Variants in UBE3D observed in about 807,000 individuals in gnomAD.
The protein encoded by UBE3D is E3 ubiquitin-protein ligase E3D.
UBE3D carries 48 observed loss-of-function variants against 49.6 expected under a neutral mutation model. That is an observed-to-expected ratio of 0.97 (90% CI 0.77 to 1.23). The LOEUF is 1.23. Among genes scored for constraint, UBE3D ranks in the 50% most tolerant of loss-of-function variants. The pLI, the probability that UBE3D is intolerant of heterozygous loss-of-function variation, is 0.00. For missense variants in UBE3D, 452 were observed against 468.4 expected (o/e 0.96, Z 0.32); for synonymous variants, 189 against 174.2 (o/e 1.08, Z -0.67).
intron 9 of UBE3D, chr6:82,938,646 G>T (rs1440881159): frequency 6.6e-6 from 1 of 152,196 alleles, no homozygotes; most frequent in Non-Finnish European, 1.5e-5. Context: ...ACTAGATGTT[G>T]TTATAATTAA....
At chr6:82,927,097 T>G (rs981381378) in intron 9 of UBE3D, among the ~76,000 whole-genome samples, 1 of 152,104 alleles carries the variant, frequency 6.6e-6, no homozygotes, top group Admixed American at 6.5e-5. Flanking sequence ...CATCATTCAT[T>G]AAAAAGACTA....
At chr6:82,885,649 A>G in the UBE3D span, among the ~76,000 whole-genome samples, 50 of 152,300 alleles carry the variant, frequency 3.3e-4, no homozygotes, top group African/African-American at 1.2e-3. Flanking sequence ...AGAGCTCAAA[A>G]AGCCCTCAAG....
chr6:82,944,247 A>G (rs188755065), intron 9 of UBE3D, among the ~76,000 whole-genome samples: 1 of 152,148 alleles, frequency 6.6e-6, no homozygotes, highest in Non-Finnish European at 1.5e-5. Flanking sequence ...GAGGATTTTT[A>G]TTTTGAATCT....
At chr6:83,060,365 G>T (rs2127855876) in intron 1 of UBE3D, among the ~76,000 whole-genome samples, 1 of 152,276 alleles carries the variant, frequency 6.6e-6, no homozygotes, top group African/African-American at 2.4e-5. Flanking sequence ...AGAAAGCGAG[G>T]AAACTAGAAT....
intron 9 of UBE3D, among the ~76,000 whole-genome samples, chr6:82,909,610 T>C (rs556519480): frequency 1.3e-5 from 2 of 152,350 alleles, no homozygotes; most frequent in South Asian, 4.1e-4. Flanking sequence ...TTTCCCTTTG[T>C]GCAAGGGTAG....
At chr6:82,921,522 C>T (rs985801837) in intron 9 of UBE3D, among the ~76,000 whole-genome samples, 3 of 152,092 alleles carry the variant, frequency 2.0e-5, no homozygotes, top group Non-Finnish European at 4.4e-5. Context: ...CCATACCACT[C>T]GCCCATAGTA....
At chr6:83,022,079 T>G (rs1470675254) in intron 7 of UBE3D, among the ~76,000 whole-genome samples, 3 of 152,038 alleles carry the variant, frequency 2.0e-5, no homozygotes, top group Non-Finnish European at 2.9e-5. Flanking sequence ...CAGGCTTGAG[T>G]GCAGCGGCAC....
intron 3 of UBE3D, among the ~76,000 whole-genome samples, chr6:83,046,670 G>GGA (rs1311405949): frequency 1.0e-5 from 1 of 95,484 alleles, no homozygotes; most frequent in African/African-American, 4.1e-5. Context: ...TCTTGCAGTT[G>GGA]GCGGGGGGGG....
intron 4 of UBE3D, among the ~76,000 whole-genome samples, chr6:83,041,457 G>A (rs112412291): frequency 6.6e-6 from 1 of 152,148 alleles, no homozygotes; most frequent in Non-Finnish European, 1.5e-5. Flanking sequence ...TGGCCTGGTA[G>A]TATATCATCA....
At chr6:83,059,777 C>T (rs893716765) in intron 1 of UBE3D, among the ~76,000 whole-genome samples, 1 of 151,990 alleles carries the variant, frequency 6.6e-6, no homozygotes, top group Admixed American at 6.6e-5. Context: ...AGGGAGGCAT[C>T]AGTGCAAGGG....
intron 2 of UBE3D, 88 bp downstream of exon 2, chr6:83,057,737 TG>T: frequency 7.3e-7 from 1 of 1,366,602 alleles, no homozygotes; most frequent in Non-Finnish European, 1.0e-6. Flanking sequence ...CCCCTTCACC[TG>T]GGAAAAGTTC....
chr6:82,930,962 C>G (rs980555358), intron 9 of UBE3D, among the ~76,000 whole-genome samples: 3 of 152,168 alleles, frequency 2.0e-5, no homozygotes, highest in Non-Finnish European at 4.4e-5. Context: ...CAGCCCCTCC[C>G]ATAACAGGCC....
chr6:83,028,723 C>T (rs1476501996), intron 5 of UBE3D, among the ~76,000 whole-genome samples: 2 of 152,108 alleles, frequency 1.3e-5, no homozygotes, highest in Non-Finnish European at 2.9e-5. Flanking sequence ...TTATTCCTTC[C>T]TGTAGTTTCC....
chr6:83,060,461 T>C (rs1283751992), intron 1 of UBE3D, among the ~76,000 whole-genome samples: 1 of 152,180 alleles, frequency 6.6e-6, no homozygotes, highest in Non-Finnish European at 1.5e-5. Context: ...GTAATATTGA[T>C]GGTTGTAAAT....
intron 8 of UBE3D, among the ~76,000 whole-genome samples, chr6:82,994,769 A>C (rs887402543): frequency 6.6e-6 from 1 of 152,220 alleles, no homozygotes; most frequent in Non-Finnish European, 1.5e-5. Context: ...TTAGGTTTTG[A>C]GTCCAGGTGA....
intron 8 of UBE3D, among the ~76,000 whole-genome samples, chr6:83,005,419 T>G (rs917688830): frequency 6.6e-6 from 1 of 152,078 alleles, no homozygotes; most frequent in African/African-American, 2.4e-5. Context: ...AAAGACGGTA[T>G]GAAGGTTCCT....
intron 8 of UBE3D, among the ~76,000 whole-genome samples, chr6:83,006,560 G>A (rs1779994394): frequency 6.6e-6 from 1 of 152,138 alleles, no homozygotes; most frequent in Non-Finnish European, 1.5e-5. Context: ...TACAAGCCAG[G>A]AAGACAGCCC....
intron 8 of UBE3D, among the ~76,000 whole-genome samples, chr6:82,991,753 T>C (rs1416113327): frequency 3.9e-5 from 6 of 152,160 alleles, no homozygotes; most frequent in Admixed American, 3.9e-4. Flanking sequence ...AGATTTACTT[T>C]CTTAACTGAA....
downstream of UBE3D, among the ~76,000 whole-genome samples, chr6:82,891,629 T>C (rs191392697): frequency 6.6e-6 from 1 of 152,338 alleles, no homozygotes; most frequent in East Asian, 1.9e-4. Context: ...AGGAGTGCCA[T>C]ACCACTGCTT....
Sources: gnomAD v4.1 joint callset for allele counts (sites outside exome capture counted in the v4.1 genomes callset) on GRCh38, gnomAD v4.1.1 for gene constraint, MANE v1.5 for transcripts, NCBI Gene and HGNC (gene_info 2026-07-23, HGNC 2026-07-21) for gene names.